The following SYN2 variants were observed in gnomAD, a reference collection of about 807,000 sequenced individuals.
SYN2 encodes synapsin II.
A neutral mutation model predicts 50.9 loss-of-function variants in SYN2; 19 were observed. The observed-to-expected ratio is 0.37, with a 90% CI of 0.26 to 0.55. The LOEUF is 0.55. SYN2 is among the 20% of genes least tolerant of loss of function. The pLI, the probability that SYN2 is intolerant of heterozygous loss-of-function variation, is 0.81. For missense variants in SYN2, 587 were observed against 576.4 expected (o/e 1.02, Z -0.19); for synonymous variants, 255 against 224.9 (o/e 1.13, Z -1.20).
chr3:12,163,935 G>A (rs973119801), intron 7 of SYN2, among the ~76,000 whole-genome samples: 2 of 152,040 alleles, frequency 1.3e-5, no homozygotes, highest in East Asian at 1.9e-4. Flanking sequence ...AAATTAGCTG[G>A]ATGTGGTGCT....
intron 5 of SYN2, among the ~76,000 whole-genome samples, chr3:12,152,148 G>A (rs890825172): frequency 2.6e-5 from 4 of 152,054 alleles, no homozygotes; most frequent in African/African-American, 9.7e-5. Flanking sequence ...GGCCAAAAGG[G>A]GTCTCCATTT....
rs972812671 is a variant in SYN2, at chr3:12,120,317, G to A, written c.378-20334G>A. Among the ~76,000 whole-genome samples the A allele has an allele frequency of 5.9e-5, 9 of 152,266 alleles. No individual in the cohort carries two copies. In the East Asian group the frequency reaches 1.7e-3, roughly 29 times the overall value. On this transcript the variant is annotated intron_variant, in intron 1 of 12. Coordinates refer to ENST00000621198, the MANE Select transcript of SYN2 (RefSeq NM_133625.6). Reference sequence around the variant, plus strand: ...TTTTTAGAGCTTTATTTCCCAAGGGGAGGAAACAGTAACAATGAGTCTTTT... The same window carrying A: ...TTTTTAGAGCTTTATTTCCCAAGGGAAGGAAACAGTAACAATGAGTCTTTT...
At chr3:12,058,050 G>T (rs1231827980) in intron 1 of SYN2, among the ~76,000 whole-genome samples, 1 of 152,048 alleles carries the variant, frequency 6.6e-6, no homozygotes, top group African/African-American at 2.4e-5. Flanking sequence ...CACATACCTA[G>T]AATTTGATCC....
At chr3:12,099,796 C>G (rs921367545) in intron 1 of SYN2, among the ~76,000 whole-genome samples, 7 of 151,838 alleles carry the variant, frequency 4.6e-5, no homozygotes, top group African/African-American at 1.7e-4. Flanking sequence ...AACCCCATCT[C>G]TACTAAAAAT....
At chr3:12,169,635 A>G in intron 9 of SYN2, 122 bp from the exon 10 acceptor site, 1 of 1,060,908 alleles carries the variant, frequency 9.4e-7, no homozygotes, top group Middle Eastern at 2.1e-4. Context: ...GCTGAAGAGA[A>G]GAACTCCTGC....
At chr3:12,095,109 G>A (rs577091159) in intron 1 of SYN2, among the ~76,000 whole-genome samples, 39 of 152,164 alleles carry the variant, frequency 2.6e-4, no homozygotes, top group African/African-American at 8.7e-4. Flanking sequence ...CTAGTTTGAC[G>A]AAAGCCAAAG....
intron 1 of SYN2, among the ~76,000 whole-genome samples, chr3:12,111,096 CA>C (rs1696302727): frequency 6.6e-6 from 1 of 152,110 alleles, no homozygotes; most frequent in Non-Finnish European, 1.5e-5. Context: ...CTCATCTTCC[CA>C]TGTGTTGTGG....
chr3:12,107,777 CTCA>C (rs1196711063), intron 1 of SYN2, among the ~76,000 whole-genome samples: 2 of 152,156 alleles, frequency 1.3e-5, no homozygotes, highest in East Asian at 3.8e-4. Context: ...ATATGACTTA[CTCA>C]TCATCTCTGA....
intron 1 of SYN2, among the ~76,000 whole-genome samples, chr3:12,117,813 AC>A (rs1696465850): frequency 6.6e-6 from 1 of 152,146 alleles, no homozygotes; most frequent in Non-Finnish European, 1.5e-5. Flanking sequence ...TTCCCCATAG[AC>A]AGGAGTCAGC....
At chr3:12,024,736 G>A (rs1694218090) in intron 1 of SYN2, among the ~76,000 whole-genome samples, 1 of 152,190 alleles carries the variant, frequency 6.6e-6, no homozygotes, top group African/African-American at 2.4e-5. Flanking sequence ...GAATAATGGT[G>A]ATAAGAACAA....
chr3:12,112,767 C>CA (rs35544543), intron 1 of SYN2, among the ~76,000 whole-genome samples: 27,469 of 152,086 alleles, frequency 0.18, 3,159 homozygotes, highest in African/African-American at 0.33. Flanking sequence ...CGTGAAAGTT[C>CA]ATTATACTAT....
intron 1 of SYN2, among the ~76,000 whole-genome samples, chr3:12,048,258 A>T (rs554081655): frequency 9.2e-5 from 14 of 152,078 alleles, no homozygotes; most frequent in Admixed American, 1.3e-4. Context: ...CACTGCAGCC[A>T]TCGGACTCAA....
chr3:12,075,936 A>C (rs1415781486), intron 1 of SYN2, among the ~76,000 whole-genome samples: 1 of 152,178 alleles, frequency 6.6e-6, no homozygotes, highest in Non-Finnish European at 1.5e-5. Context: ...TTTGCCAGTC[A>C]CTGTTGTAAA....
At chr3:12,186,081 C>T (rs1254066071) in intron 11 of SYN2, among the ~76,000 whole-genome samples, 1 of 152,118 alleles carries the variant, frequency 6.6e-6, no homozygotes, top group Non-Finnish European at 1.5e-5. Flanking sequence ...GTCATGGGTG[C>T]ACAGTGGCAT....
intron 1 of SYN2, among the ~76,000 whole-genome samples, chr3:12,124,116 G>T (rs923869608): frequency 6.6e-6 from 1 of 152,172 alleles, no homozygotes; most frequent in African/African-American, 2.4e-5. Context: ...CCAAAAGGAA[G>T]TAGTGACGTG....
intron 1 of SYN2, among the ~76,000 whole-genome samples, chr3:12,105,856 A>AG (rs752570256): frequency 1.1e-4 from 17 of 152,120 alleles, no homozygotes; most frequent in Non-Finnish European, 1.8e-4. Flanking sequence ...TTGCCACCTT[A>AG]GTAGACACTA....
chr3:12,054,352 A>G lies in SYN2; in HGVS notation c.377+49424A>G, dbSNP rs967792812. ...AATTTTGGGGGAAGCAAGATCCTACATAGTGGCACTTCATCTGAATCTGGG... is the reference window on the plus strand; with the variant it reads ...AATTTTGGGGGAAGCAAGATCCTACGTAGTGGCACTTCATCTGAATCTGGG... On this transcript the variant is annotated intron_variant, in intron 1 of 12. Transcript: ENST00000621198. Among the ~76,000 whole-genome samples the G allele has an allele frequency of 3.2e-4, 49 of 152,168 alleles. 1 individual carries two copies. Among genetic ancestry groups the G allele is most frequent in the Non-Finnish European group, 2.9e-5 (2 of 68,030 alleles).
intron 1 of SYN2, among the ~76,000 whole-genome samples, chr3:12,009,058 A>G (rs1693861158): frequency 6.6e-6 from 1 of 152,232 alleles, no homozygotes; most frequent in Non-Finnish European, 1.5e-5. Context: ...TTTGAACTTG[A>G]AAGAACACTC....
At chr3:12,157,278 A>G (rs1300527871) in intron 5 of SYN2, 26 of 1,005,070 alleles carry the variant, frequency 2.6e-5, no homozygotes, top group Middle Eastern at 4.1e-4. Context: ...TCTAGACCCA[A>G]GGATTACTGA....
Sources: allele counts gnomAD v4.1 joint callset (sites outside exome capture counted in the v4.1 genomes callset), GRCh38; gene constraint gnomAD v4.1.1; transcripts MANE v1.5; gene names NCBI Gene and HGNC (gene_info 2026-07-23, HGNC 2026-07-21).